The following FRMPD3 variants were observed in gnomAD, a reference collection of about 807,000 sequenced individuals.
The protein encoded by FRMPD3 is FERM and PDZ domain containing 3.
FRMPD3 carries 42 observed loss-of-function variants against 97.9 expected under a neutral mutation model. The ratio of observed to expected loss-of-function variants is 0.43; its 90% CI spans 0.34 to 0.55. FRMPD3 has a LOEUF of 0.55. Ranked by LOEUF, FRMPD3 falls within the 20% of genes least tolerant of loss-of-function variation. The pLI is 0.03. For synonymous variants in FRMPD3, 577 were observed against 581.1 expected (o/e 0.99, Z 0.10); for missense variants, 1,303 against 1,457.7 (o/e 0.89, Z 1.73).
At chrX:107,511,014 T>A (rs778398216) in intron 1 of FRMPD3, among the ~76,000 whole-genome samples, 1 of 112,233 alleles carries the variant, frequency 8.9e-6, no homozygotes, top group South Asian at 3.7e-4. Flanking sequence ...CAGGTAGACA[T>A]CTAGGCAAAG....
intron 12 of FRMPD3, among the ~76,000 whole-genome samples, chrX:107,572,904 AC>A (rs1922951376): frequency 9.6e-6 from 1 of 103,781 alleles, no homozygotes; most frequent in African/African-American, 3.6e-5. Flanking sequence ...TACTACTACT[AC>A]TACTAATAAT....
chrX:107,500,805 C>CAAAAAA (rs768889360), intron 1 of FRMPD3, among the ~76,000 whole-genome samples: 1 of 34,547 alleles, frequency 2.9e-5, no homozygotes, highest in Admixed American at 3.4e-4. Context: ...AAGACTCTGT[C>CAAAAAA]AAAAAAAAAA....
intron 14 of FRMPD3, among the ~76,000 whole-genome samples, chrX:107,600,079 G>T (rs1375686756): frequency 2.7e-5 from 3 of 111,834 alleles, no homozygotes; most frequent in Admixed American, 9.5e-5. Flanking sequence ...CATTGTGTGA[G>T]GTATTATAAG....
chrX:107,593,889 A>AT (rs1165201482), intron 13 of FRMPD3, among the ~76,000 whole-genome samples: 3,144 of 109,685 alleles, frequency 0.029, 116 homozygotes, highest in African/African-American at 0.1. Flanking sequence ...AAATTTTAGG[A>AT]TTTTTTTTTC....
intron 13 of FRMPD3, among the ~76,000 whole-genome samples, chrX:107,583,573 G>A: frequency 8.9e-6 from 1 of 111,895 alleles, no homozygotes; most frequent in Non-Finnish European, 1.9e-5. Context: ...CTTTATAGTA[G>A]AATGATTTAT....
intron 1 of FRMPD3, among the ~76,000 whole-genome samples, 98 bp downstream of exon 1, chrX:107,450,103 G>A (rs1340101172): frequency 9.0e-6 from 1 of 110,674 alleles, no homozygotes; most frequent in African/African-American, 3.3e-5. Context: ...CGGCTGGGGG[G>A]CGACTGGCGC....
intron 1 of FRMPD3, among the ~76,000 whole-genome samples, chrX:107,470,013 A>G (rs923539678): frequency 8.9e-6 from 1 of 111,819 alleles, no homozygotes; most frequent in Non-Finnish European, 1.9e-5. Flanking sequence ...GCCAGCATCT[A>G]AAATCCCCAG....
chrX:107,591,167 T>A (rs1923882718), intron 13 of FRMPD3, among the ~76,000 whole-genome samples: 1 of 109,993 alleles, frequency 9.1e-6, no homozygotes. Flanking sequence ...CTTTCTTTTT[T>A]TTTTTTTGAG....
intron 1 of FRMPD3, among the ~76,000 whole-genome samples, chrX:107,453,515 C>T (rs1395104770): frequency 9.0e-6 from 1 of 111,376 alleles, no homozygotes. Flanking sequence ...TGTTCTGGCT[C>T]TTCTCTCAAG....
At chrX:107,530,273 A>G (rs1922881327) in intron 2 of FRMPD3, 136 bp from the exon 3 acceptor site, 3 of 481,934 alleles carry the variant, frequency 6.2e-6, no homozygotes, top group Non-Finnish European at 1.1e-5. Context: ...CACCCTCTAC[A>G]CCACCACAGC....
chrX:107,580,488 G>A (rs1569426506), intron 13 of FRMPD3, among the ~76,000 whole-genome samples: 1 of 111,542 alleles, frequency 9.0e-6, no homozygotes, highest in Non-Finnish European at 1.9e-5. Flanking sequence ...CCATCTTGCA[G>A]GGAGGGAAGC....
In FRMPD3 at chrX:107,602,880, C is replaced by T. The variant is rs750782586; in HGVS notation, c.4841C>T (p.Ala1614Val). Residue 1614 changes from alanine to valine, a missense_variant, in exon 15 of 15, where the codon GCC (alanine) becomes GTC (valine). Physicochemically the swap from Ala to Val is moderately conservative, Grantham distance 64. Around this residue, in one of 3 missense-constraint regions of FRMPD3, gnomAD observed 764 missense variants for 820.2 expected, o/e 0.93. Coordinates refer to ENST00000683843, the MANE Select transcript of FRMPD3 (RefSeq NM_001388459.1). ...CGGCAGTGTGTGGCCAGCCCCGAGGCCCGTGCCCCCAAGCCCTATGTGTCT... is the reference window on the plus strand; with the variant it reads ...CGGCAGTGTGTGGCCAGCCCCGAGGTCCGTGCCCCCAAGCCCTATGTGTCT... ...VLRQCVASPE[A>V]RAPKPYVSQI... 4.1e-6 allele frequency: 5 copies of T among 1,209,861 alleles called. No individual in the cohort carries two copies. The Admixed American group carries it at 6.5e-5, about 16-fold the overall frequency.
intron 13 of FRMPD3, among the ~76,000 whole-genome samples, chrX:107,581,250 A>G (rs1464393939): frequency 9.1e-6 from 1 of 110,479 alleles, no homozygotes; most frequent in Admixed American, 9.7e-5. Context: ...CTGGGATTAC[A>G]GGTGGCCGCC....
chrX:107,508,707 AT>A (rs925261636), intron 1 of FRMPD3, among the ~76,000 whole-genome samples: 1 of 111,460 alleles, frequency 9.0e-6, no homozygotes, highest in Non-Finnish European at 1.9e-5. Flanking sequence ...TATGCTCTCC[AT>A]TCCCCAGCCC....
At chrX:107,560,111 C>T (rs771584391) in intron 8 of FRMPD3, 146 bp from the exon 9 acceptor site, 7 of 663,792 alleles carry the variant, frequency 1.1e-5, no homozygotes, top group Non-Finnish European at 9.1e-6. Context: ...GTTGTCTCTT[C>T]TCCAAGGGGA....
Position 107,506,966 on chromosome X carries a change from C to T in FRMPD3, c.-7-19616C>T, listed in dbSNP as rs187046833. Among the ~76,000 whole-genome samples the T allele has an allele frequency of 5.9e-3, 656 of 111,270 alleles. 5 individuals carry two copies. Among genetic ancestry groups the T allele is most frequent in the African/African-American group, 0.02 (605 of 30,650 alleles). On this transcript the variant is annotated intron_variant, in intron 1 of 14. Coordinates refer to ENST00000683843, the MANE Select transcript of FRMPD3 (RefSeq NM_001388459.1). ...GAGAGGGAGGCAACGAGAGGGTTCCCGGGCCGGGCAGCAGCCCAGCCCCGG... is the reference window on the plus strand; with the variant it reads ...GAGAGGGAGGCAACGAGAGGGTTCCTGGGCCGGGCAGCAGCCCAGCCCCGG...
rs190160063 is a variant in FRMPD3 at position 107,601,951 on chromosome X, C to T, written c.3912C>T (p.Ile1304=). 2.9e-5 allele frequency: 34 copies of T among 1,172,683 alleles called. No individual in the cohort carries two copies. In the Admixed American group the frequency reaches 6.2e-4, roughly 21 times the overall value. The part of the protein sequence containing the change: ...EQRRSCDCKR[I]CRGGRPQATQ... Reference sequence around the variant, plus strand: ...GGCGCAGCTGTGACTGCAAGCGCATCTGCCGGGGGGGCCGGCCACAAGCCA... The same window carrying T: ...GGCGCAGCTGTGACTGCAAGCGCATTTGCCGGGGGGGCCGGCCACAAGCCA... Residue 1304 remains isoleucine (I), a synonymous_variant, in exon 15 of 15, where the codon ATC becomes ATT. Transcript: ENST00000683843.
chrX:107,600,487 C>G lies in FRMPD3; in HGVS notation c.2448C>G (p.Phe816Leu). ...DSLLARKDLP[F>L]RIQSCAAQAV... Reference sequence around the variant, plus strand: ...TCCTTGCCCGCAAGGACCTGCCCTTCCGGATCCAGAGCTGTGCAGCCCAGG... The same window carrying G: ...TCCTTGCCCGCAAGGACCTGCCCTTGCGGATCCAGAGCTGTGCAGCCCAGG... Residue 816 changes from phenylalanine (F) to leucine (L), a missense_variant, in exon 15 of 15, where the codon TTC becomes TTG. Physicochemically the swap from Phe to Leu is conservative, Grantham distance 22. This residue lies in a region of FRMPD3 where 764 missense variants were observed against 820.2 expected (regional missense o/e 0.93). Coordinates refer to ENST00000683843, the MANE Select transcript of FRMPD3 (RefSeq NM_001388459.1). 1.7e-6 allele frequency: 2 copies of G among 1,210,926 alleles called. No individual in the cohort carries two copies. Among genetic ancestry groups the G allele is most frequent in the Middle Eastern group, 2.3e-4 (1 of 4,355 alleles).
chrX:107,600,543 G>A lies in FRMPD3; in HGVS notation c.2504G>A (p.Arg835His), dbSNP rs776539807. The A allele has an allele frequency of 9.1e-6, 11 of 1,208,716 alleles. No individual in the cohort carries two copies. The South Asian group carries it at 1.1e-4, about 12-fold the overall frequency. ...AVLTAPYSLG[R>H]PDPNPSLQPI... Reference sequence around the variant, plus strand: ...CTTACGGCCCCTTACTCTCTTGGGCGCCCGGATCCCAACCCATCTCTCCAA... The same window carrying A: ...CTTACGGCCCCTTACTCTCTTGGGCACCCGGATCCCAACCCATCTCTCCAA... Residue 835 changes from arginine to histidine, a missense_variant, in exon 15 of 15, where the codon CGC (arginine) becomes CAC (histidine). Around this residue, in one of 3 missense-constraint regions of FRMPD3, gnomAD observed 764 missense variants for 820.2 expected, o/e 0.93. Coordinates refer to ENST00000683843, the MANE Select transcript of FRMPD3 (RefSeq NM_001388459.1).
Sources: gnomAD v4.1 joint callset for allele counts (sites outside exome capture counted in the v4.1 genomes callset) on GRCh38, gnomAD v4.1.1 for gene constraint, gnomAD v4.1.1 regional missense constraint, MANE v1.5 for transcripts, NCBI Gene and HGNC (gene_info 2026-07-23, HGNC 2026-07-21) for gene names.